CSRP1: variants seen among roughly 807,000 people sequenced by gnomAD.
CSRP1 encodes the protein cysteine and glycine rich protein 1.
CSRP1 carries 16 observed loss-of-function variants against 25.4 expected under a neutral mutation model. The observed-to-expected ratio is 0.63, with a 90% CI of 0.43 to 0.96. CSRP1 has a LOEUF of 0.96. Ranked by LOEUF, CSRP1 falls within the 40% of genes least tolerant of loss-of-function variation. CSRP1 has a pLI of 0.00. For synonymous variants in CSRP1, 97 were observed against 95.3 expected, an observed-to-expected ratio of 1.02 and a Z score of -0.10; for missense variants, 212 against 243.6, an observed-to-expected ratio of 0.87 and a Z score of 0.86.
At chr1:201,503,957 G>A (rs939605194) in intron 1 of CSRP1, among the ~76,000 whole-genome samples, 1 of 152,182 alleles carries the variant, frequency 6.6e-6, no homozygotes, top group African/African-American at 2.4e-5. Flanking sequence ...ACCTGGCCAT[G>A]CAACAGACTG....
At chr1:201,490,606 T>C (rs765038020) in intron 2 of CSRP1, 21 of 399,906 alleles carry the variant, frequency 5.3e-5, no homozygotes, top group Non-Finnish European at 9.3e-5. Flanking sequence ...CCTTTGGTCC[T>C]CTGCACCCCT....
At chr1:201,496,352 A>G (rs774225612) in intron 1 of CSRP1, 48 bp from the exon 2 acceptor site, 9 of 1,393,092 alleles carry the variant, frequency 6.5e-6, no homozygotes, top group African/African-American at 1.4e-5. Flanking sequence ...GGAGATGGAA[A>G]CATCTCAGAT....
intron 4 of CSRP1, chr1:201,488,260 T>C (rs1230471584): frequency 6.6e-6 from 1 of 152,092 alleles, no homozygotes; most frequent in Non-Finnish European, 1.5e-5. Flanking sequence ...TCACTGTGCA[T>C]TGGTGATTGG....
rs528487111 is a variant in CSRP1 at position 201,499,622 on chromosome 1, C to T, written c.-1-3318G>A. Reference sequence around the variant, plus strand: ...ATGGCTCATCTGCATCATCCCATTTCTTTATTTTTTCAAGATGGAGTCTCA... The same window carrying T: ...ATGGCTCATCTGCATCATCCCATTTTTTTATTTTTTCAAGATGGAGTCTCA... On this transcript the variant is annotated intron_variant, in intron 1 of 5. Coordinates refer to ENST00000340006, the MANE Select transcript of CSRP1 (RefSeq NM_004078.3). Among the ~76,000 whole-genome samples, 18 of 152,190 alleles carry T rather than the reference C, an allele frequency of 1.2e-4. No individual in the cohort carries two copies. In the South Asian group the frequency reaches 3.7e-3, roughly 32 times the overall value.
intron 1 of CSRP1, 119 bp from the exon 2 acceptor site, chr1:201,496,423 T>G: frequency 1.2e-6 from 1 of 842,984 alleles, no homozygotes; most frequent in Non-Finnish European, 2.0e-6. Context: ...GTAGAATGCC[T>G]GGGGGGCCAC....
Position 201,496,179 on chromosome 1 carries a change from G to A in CSRP1, c.112+13C>T, listed in dbSNP as rs1664507406. The A allele has an allele frequency of 1.9e-6, 3 of 1,606,534 alleles. No individual in the cohort carries two copies. The highest frequency in any genetic ancestry group is 2.6e-6 in the Non-Finnish European group (3 of 1,173,310). On this transcript the variant is annotated intron_variant, in intron 2 of 5. Transcript: ENST00000340006. The stretch of plus-strand genomic sequence containing the variant: ...GTCCAAGGCAACAGCAATAGGGCCT[G>A]GGGCGTACTCACTGCACAGGAAGCA...
intron 5 of CSRP1, among the ~76,000 whole-genome samples, 163 bp from the exon 6 acceptor site, chr1:201,484,952 T>A (rs1183838638): frequency 6.6e-6 from 1 of 151,750 alleles, no homozygotes; most frequent in Non-Finnish European, 1.5e-5. Flanking sequence ...ATCTCAATAG[T>A]AAAATAGCGA....
At chr1:201,495,974 C>T in intron 2 of CSRP1, 2 of 473,062 alleles carry the variant, frequency 4.2e-6, no homozygotes, top group East Asian at 3.2e-5. Context: ...ACGCCTGCCA[C>T]CCCGACCCGC....
Position 201,484,300 on chromosome 1 carries a change from C to A in CSRP1, c.*413G>T, listed in dbSNP as rs1664064001. The A allele has an allele frequency of 3.9e-6, 2 of 512,602 alleles. No individual in the cohort carries two copies. Among genetic ancestry groups the A allele is most frequent in the Non-Finnish European group, 7.0e-6 (2 of 286,228 alleles). The allele number at this position is 512,602 out of a possible 1,614,324, so 31.8% of individuals were successfully genotyped here. A position where few individuals can be genotyped will look rare whatever the true frequency, so the allele number is the denominator to read the frequency against. ...TCCAAAAAACCCAGCCTTCCCCCCT[C>A]CTCATCTTGGTCTTGCTTCCCTCTC... On this transcript the variant is annotated 3_prime_UTR_variant, in exon 6 of 6. Transcript: ENST00000340006.
intron 2 of CSRP1, 135 bp downstream of exon 2, chr1:201,496,057 C>G (rs1664501142): frequency 1.5e-6 from 1 of 678,586 alleles, no homozygotes; most frequent in Non-Finnish European, 2.6e-6. Context: ...CCCTGCCCAG[C>G]TGCGCTTCAG....
intron 4 of CSRP1, chr1:201,485,770 A>T: frequency 5.0e-6 from 1 of 199,704 alleles, no homozygotes; most frequent in Non-Finnish European, 1.0e-5. Context: ...TGGTACTGTC[A>T]CTTAGTACTT....
chr1:201,484,493 A>G lies in CSRP1; in HGVS notation c.*220T>C, dbSNP rs1664069056. On this transcript the variant is annotated 3_prime_UTR_variant, in exon 6 of 6. Transcript: ENST00000340006. ...TAGACCCAAAACACTGAGGTCTCCT[A>G]CTGGTGATGGTGTCAGATCCCAGGC... 1.7e-6 allele frequency: 1 copy of G among 586,130 alleles called. No homozygotes were observed. The highest frequency in any genetic ancestry group is 3.1e-6 in the Non-Finnish European group (1 of 327,372). 36.3% of individuals were successfully genotyped at this position (586,130 alleles called of 1,614,324 possible). A position where few individuals can be genotyped will look rare whatever the true frequency, so the allele number is the denominator to read the frequency against.
rs1455662296 is a variant in CSRP1 at position 201,484,221 on chromosome 1, T to C, written c.*492A>G. On this transcript the variant is annotated 3_prime_UTR_variant, in exon 6 of 6. Transcript: ENST00000340006. ...CTAAGCTGGGACTCCTCAGGCTTAC[T>C]CTGAGGGACACCAGGAAGCTCAACC... The C allele has an allele frequency of 5.8e-6, 3 of 516,994 alleles. No individual in the cohort carries two copies. The East Asian group carries it at 8.4e-5, about 15-fold the overall frequency. 32.0% of individuals were successfully genotyped at this position (516,994 alleles called of 1,614,324 possible). A position where few individuals can be genotyped will look rare whatever the true frequency, so the allele number is the denominator to read the frequency against.
At chr1:201,485,746 C>A (rs1664114693) in intron 4 of CSRP1, 5 of 244,028 alleles carry the variant, frequency 2.0e-5, no homozygotes, top group Non-Finnish European at 3.3e-5. Context: ...TGAGCCAGGG[C>A]TTTGCACTCC....
intron 1 of CSRP1, chr1:201,496,705 G>A: frequency 5.1e-6 from 1 of 195,416 alleles, no homozygotes; most frequent in Non-Finnish European, 1.0e-5. Flanking sequence ...ACCAGAGCTG[G>A]GAAAATGCAA....
chr1:201,492,532 T>A (rs779612820), intron 2 of CSRP1: 3 of 150,220 alleles, frequency 2.0e-5, no homozygotes, highest in Non-Finnish European at 3.0e-5. Context: ...GGTAAGCCAA[T>A]AAGGGGAAAA....
At chr1:201,490,085 T>C in intron 3 of CSRP1, 91 bp downstream of exon 3, 2 of 1,361,772 alleles carry the variant, frequency 1.5e-6, no homozygotes, top group Non-Finnish European at 2.0e-6. Context: ...TTCCATTGCT[T>C]ACCCAAAAAT....
chr1:201,485,864 T>G (rs956373105), intron 4 of CSRP1: 1 of 155,300 alleles, frequency 6.4e-6, no homozygotes, highest in African/African-American at 2.4e-5. Flanking sequence ...CTGTGGCCCC[T>G]GGAGAAACTA....
At chr1:201,503,597 A>G (rs1421486082) in intron 1 of CSRP1, among the ~76,000 whole-genome samples, 4 of 152,182 alleles carry the variant, frequency 2.6e-5, no homozygotes, top group Non-Finnish European at 4.4e-5. Flanking sequence ...GAAGCACTGG[A>G]AATACCAGAG....
Sources: gnomAD v4.1 joint callset for allele counts (sites outside exome capture counted in the v4.1 genomes callset) on GRCh38, gnomAD v4.1.1 for gene constraint, MANE v1.5 for transcripts, NCBI Gene and HGNC (gene_info 2026-07-23, HGNC 2026-07-21) for gene names.